C12orf76: variants seen among roughly 807,000 people sequenced by gnomAD.
C12orf76 encodes chromosome 12 open reading frame 76.
In C12orf76, 6 loss-of-function variants were observed where a neutral mutation model predicts 6.8. That is an observed-to-expected ratio of 0.88 (90% CI 0.48 to 1.73). The LOEUF is 1.73. Ranked by LOEUF, C12orf76 falls within the 40% of genes most tolerant of loss-of-function variation. The probability of loss-of-function intolerance (pLI) is 0.01; values close to 1 mark genes in which losing one functional copy is unlikely to be tolerated. For missense variants in C12orf76, 99 were observed against 98.2 expected, an observed-to-expected ratio of 1.01 and a Z score of -0.03; for synonymous variants, 56 against 43.7, an observed-to-expected ratio of 1.28 and a Z score of -1.11.
upstream of C12orf76, among the ~76,000 whole-genome samples, chr12:110,068,390 A>G (rs1202148722): frequency 2.0e-5 from 3 of 152,206 alleles, no homozygotes; most frequent in African/African-American, 7.2e-5. Flanking sequence ...ACCTGATGAC[A>G]TAGTGTGAAC....
intron 4 of C12orf76, among the ~76,000 whole-genome samples, chr12:110,056,716 T>A (rs1262479440): frequency 6.6e-6 from 1 of 152,156 alleles, no homozygotes; most frequent in Non-Finnish European, 1.5e-5. Context: ...GTAGCTCCCA[T>A]AATTCCCACA....
upstream of C12orf76, among the ~76,000 whole-genome samples, chr12:110,052,444 C>T (rs1363840015): frequency 6.6e-6 from 1 of 152,162 alleles, no homozygotes; most frequent in African/African-American, 2.4e-5. Flanking sequence ...CGATTCTCCA[C>T]CTCAGCCTCC....
At position 110,042,432 on chromosome 12, in the gene C12orf76, AG is replaced by A; in HGVS notation, c.160del (p.Leu54CysfsTer3). ...LVLMGTIFSI[L>X]LVTVILMAFC... is the part of the protein sequence containing the mutation. Reference sequence around the variant, plus strand: ...TGCCATAAGGATGACAGTCACCAGCAGGATGCTGAAAATGGTTCCCATCAAC... The same window carrying A: ...TGCCATAAGGATGACAGTCACCAGCAGATGCTGAAAATGGTTCCCATCAAC... On this transcript the variant is annotated frameshift_variant, in exon 2 of 2. Transcript: ENST00000615315. LOFTEE classifies it high-confidence loss of function. 1 of 1,614,088 alleles carries A rather than the reference AG, an allele frequency of 6.2e-7. No individual in the cohort carries two copies. The highest frequency in any genetic ancestry group is 8.5e-7 in the Non-Finnish European group (1 of 1,179,886).
At chr12:110,063,276 A>C (rs1045927891) in intron 2 of C12orf76, among the ~76,000 whole-genome samples, 1 of 150,846 alleles carries the variant, frequency 6.6e-6, no homozygotes, top group African/African-American at 2.4e-5. Flanking sequence ...TTGTCTCAAT[A>C]TTTTTATTTA....
At chr12:110,043,024 G>A (rs566805771) in intron 1 of C12orf76, among the ~76,000 whole-genome samples, 15 of 151,878 alleles carry the variant, frequency 9.9e-5, no homozygotes, top group Non-Finnish European at 1.6e-4. Flanking sequence ...AGGTTACAGT[G>A]AGCCGAGATT....
intron 2 of C12orf76, among the ~76,000 whole-genome samples, chr12:110,065,045 G>C (rs1345356068): frequency 2.0e-5 from 3 of 152,144 alleles, no homozygotes; most frequent in Admixed American, 1.3e-4. Flanking sequence ...CATGAACAAA[G>C]GGATGAAGAT....
intron 2 of C12orf76, among the ~76,000 whole-genome samples, chr12:110,063,327 A>C (rs1203628344): frequency 6.6e-6 from 1 of 151,932 alleles, no homozygotes; most frequent in Non-Finnish European, 1.5e-5. Flanking sequence ...CTCATCACCC[A>C]GGGTGGGGTG....
intron 4 of C12orf76, among the ~76,000 whole-genome samples, chr12:110,055,573 G>A (rs933703583): frequency 1.3e-5 from 2 of 152,172 alleles, no homozygotes; most frequent in Admixed American, 1.3e-4. Context: ...CCTAGACAGA[G>A]CCGATTCATC....
upstream of C12orf76, among the ~76,000 whole-genome samples, chr12:110,052,955 C>A (rs2137226006): frequency 6.6e-6 from 1 of 152,314 alleles, no homozygotes; most frequent in Non-Finnish European, 1.5e-5. Context: ...GTATTCCCAG[C>A]ACTTTGGGAG....
Position 110,042,433 on chromosome 12 carries a change from G to A in C12orf76, c.160C>T (p.Leu54=), listed in dbSNP as rs146562405. 12 of 1,613,900 alleles carry A rather than the reference G, an allele frequency of 7.4e-6. No individual in the cohort carries two copies. The Admixed American group carries it at 8.3e-5, about 11-fold the overall frequency. The change falls in exon 2 of 2, where the codon CTG becomes TTG. Residue 54 remains leucine (L), a synonymous_variant. Transcript: ENST00000615315. ...LVLMGTIFSI[L]LVTVILMAFC... ...GCCATAAGGATGACAGTCACCAGCA[G>A]GATGCTGAAAATGGTTCCCATCAAC...
chr12:110,066,801 G>A (rs1228011690), intron 1 of C12orf76, among the ~76,000 whole-genome samples: 1 of 152,214 alleles, frequency 6.6e-6, no homozygotes, highest in Admixed American at 6.5e-5. Flanking sequence ...TATTCAGCTG[G>A]AGGAGGCCCA....
intron 2 of C12orf76, among the ~76,000 whole-genome samples, chr12:110,065,095 C>G (rs915656831): frequency 6.6e-6 from 1 of 151,388 alleles, no homozygotes; most frequent in Non-Finnish European, 1.5e-5. Context: ...GCCTGAGATC[C>G]TTTATTTATT....
upstream of C12orf76, among the ~76,000 whole-genome samples, chr12:110,070,241 A>G (rs918471272): frequency 2.7e-5 from 4 of 149,256 alleles, no homozygotes; most frequent in African/African-American, 7.4e-5. Context: ...CCATTTCAAA[A>G]AAAAAAAAAG....
At chr12:110,045,244 T>C (rs978196107) in intron 1 of C12orf76, among the ~76,000 whole-genome samples, 1 of 152,216 alleles carries the variant, frequency 6.6e-6, no homozygotes, top group Non-Finnish European at 1.5e-5. Context: ...AGTTGTCTTA[T>C]TCCATTTAAG....
intron 1 of C12orf76, chr12:110,042,756 G>C (rs1892346675): frequency 1.6e-6 from 1 of 613,316 alleles, no homozygotes; most frequent in Non-Finnish European, 2.9e-6. Flanking sequence ...ATCCGAGGAG[G>C]AGACTCACAA....
intron 4 of C12orf76, chr12:110,056,856 C>G (rs1892676956): frequency 8.6e-6 from 2 of 233,292 alleles, no homozygotes; most frequent in South Asian, 6.9e-5. Context: ...GTACTTTTCA[C>G]TTTCCACCAT....
intron 4 of C12orf76, chr12:110,057,127 A>G: frequency 8.7e-7 from 1 of 1,154,538 alleles, no homozygotes. Flanking sequence ...TGTCCACCAT[A>G]AAGTTGTTCT....
At chr12:110,066,550 GGT>G (rs1892866928) in intron 1 of C12orf76, among the ~76,000 whole-genome samples, 2 of 152,012 alleles carry the variant, frequency 1.3e-5, no homozygotes, top group African/African-American at 4.8e-5. Flanking sequence ...AGTAGGGCGT[GGT>G]GGCGCATGCC....
At chr12:110,063,602 T>TTTTTTTTATTTA (rs1555253076) in intron 2 of C12orf76, among the ~76,000 whole-genome samples, 12 of 138,764 alleles carry the variant, frequency 8.6e-5, no homozygotes, top group East Asian at 2.1e-4. Flanking sequence ...GGATTTTTAT[T>TTTTTTTTATTTA]TTTATTTATT....
Sources: gnomAD v4.1 joint callset for allele counts (sites outside exome capture counted in the v4.1 genomes callset) on GRCh38, gnomAD v4.1.1 for gene constraint, MANE v1.5 for transcripts, NCBI Gene and HGNC (gene_info 2026-07-23, HGNC 2026-07-21) for gene names.